The following TSHZ2 variants were observed in gnomAD, a reference collection of about 807,000 sequenced individuals.
TSHZ2 encodes teashirt zinc finger homeobox 2, also known as teashirt homolog 2.
In TSHZ2, 21 loss-of-function variants were observed where a neutral mutation model predicts 74.4. The observed-to-expected ratio is 0.28, with a 90% CI of 0.20 to 0.41. TSHZ2 has a LOEUF of 0.41. TSHZ2 is among the 10% of genes least tolerant of loss of function. The pLI is 1.00. For missense variants in TSHZ2, 1,244 were observed against 1,293.5 expected, an observed-to-expected ratio of 0.96 and a Z score of 0.59; for synonymous variants, 540 against 515.3, an observed-to-expected ratio of 1.05 and a Z score of -0.65.
At chr20:53,354,614 G>A (rs564273542) in intron 2 of TSHZ2, among the ~76,000 whole-genome samples, 13 of 152,224 alleles carry the variant, frequency 8.5e-5, no homozygotes, top group East Asian at 3.9e-4. Context: ...AATTATATAT[G>A]TCTTGCCTGA....
chr20:53,361,177 C>T (rs1338144844), intron 2 of TSHZ2, among the ~76,000 whole-genome samples: 1 of 152,252 alleles, frequency 6.6e-6, no homozygotes, highest in Non-Finnish European at 1.5e-5. Flanking sequence ...TCAGATTCTT[C>T]TGCACTGGTG....
chr20:53,374,027 T>C (rs1032401327), intron 2 of TSHZ2, among the ~76,000 whole-genome samples: 1 of 152,190 alleles, frequency 6.6e-6, no homozygotes, highest in African/African-American at 2.4e-5. Context: ...ATGTGCAAAT[T>C]TGTTGGTTTG....
chr20:53,187,366 G>A (rs1355771991), intron 1 of TSHZ2, among the ~76,000 whole-genome samples: 1 of 152,214 alleles, frequency 6.6e-6, no homozygotes, highest in African/African-American at 2.4e-5. Flanking sequence ...ATAATATCGT[G>A]TTATCGTTTA....
chr20:53,393,120 A>C (rs763338115), intron 2 of TSHZ2, among the ~76,000 whole-genome samples: 1 of 152,048 alleles, frequency 6.6e-6, no homozygotes, highest in Non-Finnish European at 1.5e-5. Flanking sequence ...AAGCCACCAC[A>C]CCTGGCCCAA....
At chr20:53,324,689 C>T (rs896461227) in intron 2 of TSHZ2, among the ~76,000 whole-genome samples, 1 of 152,202 alleles carries the variant, frequency 6.6e-6, no homozygotes, top group African/African-American at 2.4e-5. Context: ...ACATCACCTC[C>T]TCCGTGAAGA....
chr20:53,051,778 C>T (rs1017422135), intron 1 of TSHZ2, among the ~76,000 whole-genome samples: 3 of 152,098 alleles, frequency 2.0e-5, no homozygotes, highest in Non-Finnish European at 4.4e-5. Flanking sequence ...CACGAGTCTC[C>T]GTTTATGTTG....
chr20:53,010,344 TA>T (rs1466764327), intron 1 of TSHZ2, among the ~76,000 whole-genome samples: 1 of 152,222 alleles, frequency 6.6e-6, no homozygotes, highest in East Asian at 1.9e-4. Context: ...ATCAAAATCC[TA>T]TCTGCACAAT....
chr20:53,184,759 A>G (rs1315236239), intron 1 of TSHZ2, among the ~76,000 whole-genome samples: 1 of 152,188 alleles, frequency 6.6e-6, no homozygotes, highest in Non-Finnish European at 1.5e-5. Flanking sequence ...CCCAGGCTGG[A>G]GTGCAGTGGC....
intron 1 of TSHZ2, among the ~76,000 whole-genome samples, chr20:53,165,164 A>G (rs886309927): frequency 7.9e-5 from 12 of 152,286 alleles, no homozygotes; most frequent in Admixed American, 7.8e-4. Flanking sequence ...TAATAATAAC[A>G]GCTAACACTC....
At chr20:53,024,117 C>CA (rs1983350533) in intron 1 of TSHZ2, among the ~76,000 whole-genome samples, 2 of 148,378 alleles carry the variant, frequency 1.3e-5, no homozygotes, top group South Asian at 4.3e-4. Context: ...TTTTTTGAGT[C>CA]AAAAAACAAA....
chr20:53,325,163 TC>T (rs1009649290), intron 2 of TSHZ2, among the ~76,000 whole-genome samples: 3 of 152,228 alleles, frequency 2.0e-5, no homozygotes, highest in African/African-American at 7.2e-5. Flanking sequence ...TCTATGTTTT[TC>T]TTGGTTTTTT....
chr20:53,014,237 C>T (rs2123010199), intron 1 of TSHZ2, among the ~76,000 whole-genome samples: 1 of 151,994 alleles, frequency 6.6e-6, no homozygotes, highest in Admixed American at 6.5e-5. Flanking sequence ...AGCGAGTGCA[C>T]ATCCTCATGT....
chr20:53,230,614 C>T (rs544047756), intron 1 of TSHZ2, among the ~76,000 whole-genome samples: 15 of 152,160 alleles, frequency 9.9e-5, no homozygotes, highest in Non-Finnish European at 1.2e-4. Flanking sequence ...AAATCATTGC[C>T]GGGCATGGTG....
At chr20:53,141,720 C>T (rs1987405588) in intron 1 of TSHZ2, among the ~76,000 whole-genome samples, 1 of 152,214 alleles carries the variant, frequency 6.6e-6, no homozygotes, top group Admixed American at 6.5e-5. Flanking sequence ...TCTACTGTTT[C>T]CTGCAATCCC....
intron 2 of TSHZ2, among the ~76,000 whole-genome samples, chr20:53,281,558 G>A (rs546009326): frequency 1.3e-5 from 2 of 152,180 alleles, no homozygotes; most frequent in Non-Finnish European, 2.9e-5. Context: ...GAAAATAAGT[G>A]GAGGGCCAGA....
intron 1 of TSHZ2, among the ~76,000 whole-genome samples, chr20:53,224,849 C>CAAAAA (rs1157712413): frequency 8.9e-6 from 1 of 112,872 alleles, no homozygotes; most frequent in Non-Finnish European, 1.9e-5. Flanking sequence ...GACTCCATCT[C>CAAAAA]AAAAAAAAAA....
rs55692015 is a variant in TSHZ2, at chr20:53,008,980, C to CCTCTCTCTCTCTCT, written c.40+35685_40+35698dup. Among the ~76,000 whole-genome samples, 152 of 130,506 alleles carry CCTCTCTCTCTCTCT rather than the reference C, an allele frequency of 1.2e-3. 2 individuals carry two copies. Among genetic ancestry groups the CCTCTCTCTCTCTCT allele is most frequent in the African/African-American group, 1.5e-3 (49 of 31,886 alleles). 85.6% of individuals were successfully genotyped at this position (130,506 alleles called of 152,430 possible). A position where few individuals can be genotyped will look rare whatever the true frequency, so the allele number is the denominator to read the frequency against. The stretch of plus-strand genomic sequence containing the variant: ...GAAGTTATTTGAATGTTGTCTTTCT[C>CCTCTCTCTCTCTCT]CTCTCTCTCTCTCTCTCTCTCTCTC... On this transcript the variant is annotated intron_variant, in intron 1 of 2. Coordinates refer to ENST00000371497, the MANE Select transcript of TSHZ2 (RefSeq NM_173485.6).
chr20:53,173,268 ACTATATC>A (rs1186499086), intron 1 of TSHZ2, among the ~76,000 whole-genome samples: 2 of 152,242 alleles, frequency 1.3e-5, no homozygotes, highest in African/African-American at 4.8e-5. Flanking sequence ...GGCCAAATAA[ACTATATC>A]CTATCCACCT....
chr20:52,984,130 G>A (rs1981666476), intron 1 of TSHZ2, among the ~76,000 whole-genome samples: 2 of 152,230 alleles, frequency 1.3e-5, no homozygotes, highest in South Asian at 2.1e-4. Flanking sequence ...AGAGCACGGG[G>A]GAGATTCTGC....
Sources: allele counts gnomAD v4.1 joint callset (sites outside exome capture counted in the v4.1 genomes callset), GRCh38; gene constraint gnomAD v4.1.1; transcripts MANE v1.5; gene names NCBI Gene and HGNC (gene_info 2026-07-23, HGNC 2026-07-21).